Variants in ENOSF1 observed in about 807,000 individuals in gnomAD.
ENOSF1 encodes mitochondrial enolase superfamily member 1.
ENOSF1 carries 73 observed loss-of-function variants against 68.2 expected under a neutral mutation model. The observed-to-expected ratio is 1.07, with a 90% CI of 0.89 to 1.30. The LOEUF (loss-of-function observed/expected upper bound fraction) is 1.30. Ranked by LOEUF, ENOSF1 falls within the 50% of genes most tolerant of loss-of-function variation. The pLI is 0.00. For synonymous variants in ENOSF1, 223 were observed against 210.4 expected, an observed-to-expected ratio of 1.06 and a Z score of -0.52; for missense variants, 589 against 554.5, an observed-to-expected ratio of 1.06 and a Z score of -0.62.
intron 10 of ENOSF1, among the ~76,000 whole-genome samples, chr18:684,211 G>A (rs1003060863): frequency 2.0e-5 from 3 of 151,922 alleles, no homozygotes; most frequent in East Asian, 1.9e-4. Context: ...TAGCCAGGAT[G>A]GTCTCAATCT....
At chr18:692,610 A>AT in intron 5 of ENOSF1, 9 of 689,138 alleles carry the variant, frequency 1.3e-5, no homozygotes, top group Non-Finnish European at 1.6e-5. Context: ...AAAAAAAAAA[A>AT]GAAAGAAAGA....
At chr18:690,457 G>C (rs768342655) in intron 8 of ENOSF1, 92 bp downstream of exon 8, 131 of 1,375,384 alleles carry the variant, frequency 9.5e-5, no homozygotes, top group Middle Eastern at 1.8e-4. Flanking sequence ...TGTCAGAAGT[G>C]AGGTACTGAG....
At chr18:664,489 C>T in the ENOSF1 span, among the ~76,000 whole-genome samples, 497 of 140,828 alleles carry the variant, frequency 3.5e-3, 3 homozygotes, top group African/African-American at 0.013. Flanking sequence ...TTCCTCTTTT[C>T]CTAATTGAAT....
chr18:707,520 G>A (rs2079063674), intron 1 of ENOSF1: 1 of 152,164 alleles, frequency 6.6e-6, no homozygotes, highest in South Asian at 2.1e-4. Flanking sequence ...AGACACCAGT[G>A]GGGGAAAATG....
intron 2 of ENOSF1, among the ~76,000 whole-genome samples, chr18:701,869 G>A (rs932311823): frequency 6.6e-6 from 1 of 151,180 alleles, no homozygotes; most frequent in African/African-American, 2.4e-5. Flanking sequence ...GCAGTGAGCC[G>A]AGATCACACC....
intron 10 of ENOSF1, among the ~76,000 whole-genome samples, chr18:684,197 A>G (rs71352964): frequency 0.084 from 12,679 of 151,524 alleles, 704 homozygotes; most frequent in Non-Finnish European, 0.12. Flanking sequence ...GGGTTTCACC[A>G]TGTTAGCCAG....
At chr18:686,680 AAG>A (rs755693680) in intron 9 of ENOSF1, 1 of 152,232 alleles carries the variant, frequency 6.6e-6, no homozygotes, top group Non-Finnish European at 1.5e-5. Context: ...CTGCTGTCAG[AAG>A]AGTGTGTTGC....
At chr18:707,455 G>A (rs1179706697) in intron 1 of ENOSF1, 2 of 152,226 alleles carry the variant, frequency 1.3e-5, no homozygotes, top group East Asian at 3.8e-4. Context: ...TAAAATTGGA[G>A]TGATCTCACT....
chr18:677,130 T>C (rs555529097), intron 14 of ENOSF1, among the ~76,000 whole-genome samples: 1 of 152,200 alleles, frequency 6.6e-6, no homozygotes, highest in South Asian at 2.1e-4. Context: ...ACTTAAAAAA[T>C]AAAGTGAGTC....
chr18:663,338 C>T, the ENOSF1 span, among the ~76,000 whole-genome samples: 1 of 97,950 alleles, frequency 1.0e-5, no homozygotes, highest in South Asian at 3.3e-4. Context: ...CTGTTCATGT[C>T]CTTCGCCCAC....
chr18:669,221 G>C, downstream of ENOSF1: 1 of 1,550,108 alleles, frequency 6.5e-7, no homozygotes. Flanking sequence ...TACTCTTAGA[G>C]GGAAGCAATC....
intron 1 of ENOSF1, among the ~76,000 whole-genome samples, chr18:708,175 A>G (rs2079142021): frequency 1.3e-5 from 2 of 151,996 alleles, no homozygotes; most frequent in Non-Finnish European, 2.9e-5. Context: ...GTAAATTATG[A>G]AGGCAGATTT....
chr18:698,543 A>G (rs2077989237), intron 2 of ENOSF1, among the ~76,000 whole-genome samples: 1 of 152,218 alleles, frequency 6.6e-6, no homozygotes, highest in Non-Finnish European at 1.5e-5. Flanking sequence ...CTTATGATAT[A>G]CTACATTTTT....
intron 10 of ENOSF1, among the ~76,000 whole-genome samples, chr18:683,794 A>G (rs557383926): frequency 1.3e-5 from 2 of 152,234 alleles, no homozygotes; most frequent in East Asian, 3.9e-4. Flanking sequence ...TTGTTTGTTC[A>G]ATAGTCATTT....
intron 9 of ENOSF1, chr18:686,314 A>C: frequency 3.1e-6 from 1 of 327,756 alleles, no homozygotes. Flanking sequence ...AATTAAGAAC[A>C]AAAAAGCCAC....
In ENOSF1 at chr18:694,268, A is replaced by G. The variant is rs144714633; in HGVS notation, c.376T>C (p.Trp126Arg). The change falls in exon 4 of 16, where the codon TGG becomes CGG. Residue 126 changes from tryptophan to arginine, a missense_variant. Coordinates refer to ENST00000647584, the MANE Select transcript of ENOSF1 (RefSeq NM_017512.7). ...GTTACCTTTCCCTCCTGCTTGGCCC[A>G]CAAGTCCCACACCGCGTTTAGGACG... ...AAVLNAVWDLWAKQEGKPVWK... is the reference protein window; with the variant it reads ...AAVLNAVWDLRAKQEGKPVWK... The G allele has an allele frequency of 6.2e-7, 1 of 1,613,982 alleles. No homozygotes were observed. Among genetic ancestry groups the G allele is most frequent in the Non-Finnish European group, 8.5e-7 (1 of 1,180,038 alleles).
chr18:667,101 A>T (rs199888458), downstream of ENOSF1, among the ~76,000 whole-genome samples: 1,111 of 17,654 alleles, frequency 0.063, 6 homozygotes, highest in Middle Eastern at 0.11. Flanking sequence ...ATGGAGATGG[A>T]GATGGAGATG....
intron 8 of ENOSF1, 122 bp downstream of exon 8, chr18:690,426 AG>A: frequency 9.1e-7 from 1 of 1,100,434 alleles, no homozygotes; most frequent in Non-Finnish European, 1.4e-6. Flanking sequence ...TGGCGTGAGA[AG>A]GAAAACCACA....
At chr18:677,319 G>A in intron 14 of ENOSF1, 26 bp downstream of exon 14, 1 of 1,588,974 alleles carries the variant, frequency 6.3e-7, no homozygotes, top group Middle Eastern at 1.7e-4. Context: ...TACTGAAACA[G>A]AAAGTATTAA....
Sources: gnomAD v4.1 joint callset for allele counts (sites outside exome capture counted in the v4.1 genomes callset) on GRCh38, gnomAD v4.1.1 for gene constraint, MANE v1.5 for transcripts, NCBI Gene and HGNC (gene_info 2026-07-23, HGNC 2026-07-21) for gene names.